Variants in ARAP2 observed in about 807,000 individuals in gnomAD.
ARAP2 encodes ArfGAP with RhoGAP domain, ankyrin repeat and PH domain 2.
Under a neutral mutation model 194.5 loss-of-function variants are expected in ARAP2, and 148 were observed. That is an observed-to-expected ratio of 0.76 (90% CI 0.67 to 0.87). The LOEUF (loss-of-function observed/expected upper bound fraction) is 0.87. Among genes scored for constraint, ARAP2 ranks in the 40% least tolerant of loss-of-function variants. ARAP2 has a pLI of 0.00. For synonymous variants in ARAP2, 695 were observed against 683.5 expected, an observed-to-expected ratio of 1.02 and a Z score of -0.26; for missense variants, 2,128 against 1,989.7, an observed-to-expected ratio of 1.07 and a Z score of -1.32.
intron 27 of ARAP2, among the ~76,000 whole-genome samples, chr4:36,099,743 A>G (rs957060129): frequency 5.3e-5 from 8 of 152,272 alleles, no homozygotes; most frequent in Non-Finnish European, 1.0e-4. Flanking sequence ...TCTCTGCTAG[A>G]TCGCAGACAG....
chr4:36,045,268 T>C (rs1210073496), intron 5 of ARAP2, among the ~76,000 whole-genome samples: 1 of 152,164 alleles, frequency 6.6e-6, no homozygotes, highest in Non-Finnish European at 1.5e-5. Context: ...TTATTCACAG[T>C]AGCCAAGCTA....
chr4:36,071,707 T>C (rs1726974103), intron 32 of ARAP2, among the ~76,000 whole-genome samples: 1 of 151,578 alleles, frequency 6.6e-6, no homozygotes, highest in African/African-American at 2.4e-5. Flanking sequence ...TTTTTCTTTT[T>C]TTTTTATTAT....
intron 9 of ARAP2, among the ~76,000 whole-genome samples, chr4:36,170,438 A>C (rs1736353578): frequency 6.6e-6 from 1 of 152,180 alleles, no homozygotes; most frequent in African/African-American, 2.4e-5. Context: ...CGAAAACCAA[A>C]AAGACTCCAT....
intron 2 of ARAP2, among the ~76,000 whole-genome samples, chr4:36,216,428 T>TTA (rs1747953702): frequency 6.6e-6 from 1 of 151,980 alleles, no homozygotes; most frequent in Admixed American, 6.6e-5. Flanking sequence ...TGGCAGCAAA[T>TTA]AAACAAACAA....
intron 9 of ARAP2, among the ~76,000 whole-genome samples, chr4:36,007,198 G>A (rs541569068): frequency 7.2e-5 from 11 of 152,216 alleles, no homozygotes; most frequent in African/African-American, 1.7e-4. Context: ...TGTGGCCCCC[G>A]AAATATATTC....
chr4:36,062,624 T>TTG (rs1724628654), downstream of ARAP2, among the ~76,000 whole-genome samples: 2 of 137,244 alleles, frequency 1.5e-5, no homozygotes, highest in Non-Finnish European at 3.2e-5. Flanking sequence ...GGCTCGTAAT[T>TTG]TGTGTGAGAG....
At chr4:36,094,867 C>T (rs1006580297) in intron 27 of ARAP2, among the ~76,000 whole-genome samples, 4 of 152,090 alleles carry the variant, frequency 2.6e-5, no homozygotes, top group African/African-American at 9.7e-5. Context: ...AATTATGAAA[C>T]TTATCCAAGG....
At chr4:36,119,426 A>G (rs1722151678) in intron 24 of ARAP2, among the ~76,000 whole-genome samples, 1 of 151,550 alleles carries the variant, frequency 6.6e-6, no homozygotes, top group Non-Finnish European at 1.5e-5. Context: ...AAAACCTTGA[A>G]AGGTAAATTA....
chr4:36,182,248 T>C (rs1739452462), intron 8 of ARAP2, among the ~76,000 whole-genome samples: 1 of 152,104 alleles, frequency 6.6e-6, no homozygotes, highest in Non-Finnish European at 1.5e-5. Flanking sequence ...ATCCCAGCAC[T>C]TTGGTAGGCC....
intron 28 of ARAP2, among the ~76,000 whole-genome samples, chr4:36,085,765 C>A (rs762717467): frequency 4.0e-5 from 6 of 151,830 alleles, no homozygotes; most frequent in African/African-American, 2.4e-5. Context: ...TGCATTAAAC[C>A]TATAAATCAA....
chr4:36,180,207 G>A (rs977879290), intron 8 of ARAP2, among the ~76,000 whole-genome samples: 31 of 152,256 alleles, frequency 2.0e-4, no homozygotes, highest in Admixed American at 1.9e-3. Context: ...GGGAGACTGA[G>A]GTTGCAGTGA....
At position 36,229,062 on chromosome 4, in the gene ARAP2, G is replaced by A. The variant is rs1487683052; in HGVS notation, c.425C>T (p.Ser142Leu). ...TTTAGGAGGAGACAGCTTATCATCT[G>A]ATTGAGGATACTGGCTTCTTTCCAC... ...ASVERSQYPQ[S>L]DDKLSPPKRD... is the part of the protein sequence containing the mutation. Residue 142 changes from serine to leucine, a missense_variant, in exon 2 of 33, where the codon TCA (serine) becomes TTA (leucine). Ser to Leu is a moderately radical substitution (Grantham distance 145). Coordinates refer to ENST00000303965, the MANE Select transcript of ARAP2 (RefSeq NM_015230.4). The A allele has an allele frequency of 6.2e-7, 1 of 1,614,058 alleles. No homozygotes were observed. Among genetic ancestry groups the A allele is most frequent in the East Asian group, 2.2e-5 (1 of 44,884 alleles).
chr4:36,141,446 C>T (rs1728284009), intron 19 of ARAP2, among the ~76,000 whole-genome samples: 2 of 151,558 alleles, frequency 1.3e-5, no homozygotes, highest in African/African-American at 4.8e-5. Flanking sequence ...AGCAAAAATG[C>T]TGTGTGTGTG....
chr4:36,064,312 A>G (rs1725022470), downstream of ARAP2, among the ~76,000 whole-genome samples: 3 of 151,848 alleles, frequency 2.0e-5, no homozygotes, highest in Non-Finnish European at 1.5e-5. Context: ...AGGTGGAAAT[A>G]AGCCACCTCT....
At chr4:36,156,399 GAA>G (rs1291161601) in intron 15 of ARAP2, among the ~76,000 whole-genome samples, 1 of 12,984 alleles carries the variant, frequency 7.7e-5, no homozygotes, top group Non-Finnish European at 1.3e-4. Flanking sequence ...GAGAAAGAAA[GAA>G]AGAAAGAAAG....
intron 1 of ARAP2, among the ~76,000 whole-genome samples, chr4:36,233,492 C>A (rs1470982589): frequency 6.6e-6 from 1 of 152,172 alleles, no homozygotes; most frequent in Non-Finnish European, 1.5e-5. Flanking sequence ...TGCTTTATAC[C>A]AGCCCACCTG....
In ARAP2 at chr4:36,119,703, C is replaced by T; in HGVS notation, c.3910G>A (p.Val1304Ile). Residue 1304 changes from valine to isoleucine, a missense_variant, in exon 24 of 33, where the codon GTC becomes ATC. Physicochemically the swap from Val to Ile is conservative, Grantham distance 29. Coordinates refer to ENST00000303965, the MANE Select transcript of ARAP2 (RefSeq NM_015230.4). ...VEIFEVKEDQVKQMDIENSFI... is the reference protein window; with the variant it reads ...VEIFEVKEDQIKQMDIENSFI... ...CTATTTTCTATGTCCATTTGTTTGACTTGATCTTCTTTAACCTGTTTAAAA... is the reference window on the plus strand; with the variant it reads ...CTATTTTCTATGTCCATTTGTTTGATTTGATCTTCTTTAACCTGTTTAAAA... 1 of 1,601,910 alleles carries T rather than the reference C, an allele frequency of 6.2e-7. No homozygotes were observed. The highest frequency in any genetic ancestry group is 8.5e-7 in the Non-Finnish European group (1 of 1,170,852).
chr4:36,094,913 G>A (rs1342020349), intron 27 of ARAP2, among the ~76,000 whole-genome samples: 1 of 152,124 alleles, frequency 6.6e-6, no homozygotes, highest in Non-Finnish European at 1.5e-5. Flanking sequence ...AGAATTCAAA[G>A]TCAGGTCCAC....
intron 2 of ARAP2, among the ~76,000 whole-genome samples, chr4:36,223,718 GCTCT>G (rs34904494): frequency 2.1e-4 from 31 of 148,730 alleles, no homozygotes; most frequent in Non-Finnish European, 2.2e-4. Context: ...ACCAGAGATG[GCTCT>G]CTCTCTCTCT....
Sources: gnomAD v4.1 joint callset for allele counts (sites outside exome capture counted in the v4.1 genomes callset) on GRCh38, gnomAD v4.1.1 for gene constraint, MANE v1.5 for transcripts, NCBI Gene and HGNC (gene_info 2026-07-23, HGNC 2026-07-21) for gene names.